Variants in IGF2R observed in about 807,000 individuals in gnomAD.
IGF2R encodes insulin like growth factor 2 receptor.
Under a neutral mutation model 270.6 loss-of-function variants are expected in IGF2R, and 91 were observed. The ratio of observed to expected loss-of-function variants is 0.34; its 90% CI spans 0.28 to 0.40. IGF2R has a LOEUF of 0.40. Ranked by LOEUF, IGF2R falls within the 10% of genes least tolerant of loss-of-function variation. The pLI, the probability that IGF2R is intolerant of heterozygous loss-of-function variation, is 1.00. For synonymous variants in IGF2R, 1,316 were observed against 1,258.9 expected, an observed-to-expected ratio of 1.05 and a Z score of -0.96; for missense variants, 2,805 against 3,188.3, an observed-to-expected ratio of 0.88 and a Z score of 2.90.
At chr6:160,060,171 G>A (rs1429964372) in intron 22 of IGF2R, among the ~76,000 whole-genome samples, 3 of 152,074 alleles carry the variant, frequency 2.0e-5, no homozygotes, top group Non-Finnish European at 2.9e-5. Flanking sequence ...CCATTGGAGC[G>A]AGTGTGTAAA....
rs1779061098 is a variant in IGF2R, at chr6:160,084,727, C to T, written c.6069-268C>T. Among the ~76,000 whole-genome samples, 1 of 152,192 alleles carries T rather than the reference C, an allele frequency of 6.6e-6. No homozygotes were observed. The highest frequency in any genetic ancestry group is 1.5e-5 in the Non-Finnish European group (1 of 68,026). On this transcript the variant is annotated intron_variant, in intron 40 of 47. Transcript: ENST00000356956. The surrounding 1 kb of genome is among the most constrained non-coding windows in gnomAD (Gnocchi z 4.6). Reference sequence around the variant, plus strand: ...TCTCCCAGCCCCGGAGCCCTTCTTTCTACTGTACCACGCTGTGTCCAGGGT... The same window carrying T: ...TCTCCCAGCCCCGGAGCCCTTCTTTTTACTGTACCACGCTGTGTCCAGGGT...
chr6:159,986,125 T>C (rs1389991011), intron 1 of IGF2R, among the ~76,000 whole-genome samples: 2 of 152,148 alleles, frequency 1.3e-5, no homozygotes, highest in African/African-American at 4.8e-5. Context: ...TCCCGCTGGT[T>C]TCCTTCAGTT....
At chr6:160,068,158 G>C in intron 29 of IGF2R, 91 bp from the exon 30 acceptor site, 1 of 1,460,978 alleles carries the variant, frequency 6.8e-7, no homozygotes, top group Non-Finnish European at 9.4e-7. Flanking sequence ...CTTAGACTAT[G>C]CCTGAATACT....
chr6:160,048,958 G>A (rs1006327107), intron 18 of IGF2R, among the ~76,000 whole-genome samples: 2 of 152,160 alleles, frequency 1.3e-5, no homozygotes, highest in Admixed American at 6.6e-5. Flanking sequence ...TCAAGCACAC[G>A]CTCTCATTCG....
At chr6:160,047,409 G>A (rs1285350880) in intron 16 of IGF2R, 73 bp downstream of exon 16, 2 of 1,293,824 alleles carry the variant, frequency 1.5e-6, no homozygotes, top group Non-Finnish European at 2.1e-6. Flanking sequence ...TTTAAGCAGA[G>A]CTTGTATCAG....
At chr6:160,065,829 T>G (rs1407148172) in intron 29 of IGF2R, among the ~76,000 whole-genome samples, 2 of 96,702 alleles carry the variant, frequency 2.1e-5, no homozygotes, top group African/African-American at 4.2e-5. Flanking sequence ...TATATATATA[T>G]ATATATATAT....
rs201581343 is a variant in IGF2R at position 160,076,015 on chromosome 6, C to T, written c.5316+19C>T. 8.8e-5 allele frequency: 142 copies of T among 1,611,392 alleles called. 1 individual carries two copies. The highest frequency in any genetic ancestry group is 1.1e-4 in the Non-Finnish European group (127 of 1,177,708). On this transcript the variant is annotated intron_variant, in intron 36 of 47. Coordinates refer to ENST00000356956, the MANE Select transcript of IGF2R (RefSeq NM_000876.4). Reference sequence around the variant, plus strand: ...GAGCATGGTAAGTGTGGGCCTGTGACGATCTAGATGCTCAACTGCGGGTTA... The same window carrying T: ...GAGCATGGTAAGTGTGGGCCTGTGATGATCTAGATGCTCAACTGCGGGTTA...
chr6:159,989,249 G>A (rs773975010), intron 1 of IGF2R, among the ~76,000 whole-genome samples: 1 of 152,140 alleles, frequency 6.6e-6, no homozygotes, highest in Admixed American at 6.5e-5. Flanking sequence ...GTCTTCCAGT[G>A]ACCCCACCAG....
intron 4 of IGF2R, among the ~76,000 whole-genome samples, chr6:160,019,261 C>T (rs1777375482): frequency 6.6e-6 from 1 of 152,044 alleles, no homozygotes; most frequent in African/African-American, 2.4e-5. Flanking sequence ...TCCAAAAAGA[C>T]CAATAACAAG....
At chr6:160,056,719 C>T (rs968293125) in intron 20 of IGF2R, among the ~76,000 whole-genome samples, 194 bp downstream of exon 20, 5 of 152,192 alleles carry the variant, frequency 3.3e-5, no homozygotes, top group Non-Finnish European at 7.3e-5. Flanking sequence ...GGATAAGAAC[C>T]AGGTCCCTCA....
intron 45 of IGF2R, among the ~76,000 whole-genome samples, chr6:160,097,845 G>A (rs1779400601): frequency 6.6e-6 from 1 of 152,190 alleles, no homozygotes; most frequent in Non-Finnish European, 1.5e-5. Flanking sequence ...GTGGACATGA[G>A]CTCAGCAAAA....
In IGF2R at chr6:160,105,938, T is replaced by TGTGTGA. The variant is rs961509219; in HGVS notation, c.*855_*856insTGTGAG. On this transcript the variant is annotated 3_prime_UTR_variant, in exon 48 of 48. Transcript: ENST00000356956. ...GTGTGTGTGTGTGTGTGTGTGTGTG[T>TGTGTGA]GAGTGGAGTTGAGGTGTCAGAGAAA... 126 of 144,684 alleles carry TGTGTGA rather than the reference T, an allele frequency of 8.7e-4. No individual in the cohort carries two copies. The highest frequency in any genetic ancestry group is 3.5e-3 in the Middle Eastern group (1 of 284). The allele number at this position is 144,684 out of a possible 1,614,324, so 9.0% of individuals were successfully genotyped here. A position where few individuals can be genotyped will look rare whatever the true frequency, so the allele number is the denominator to read the frequency against.
chr6:160,082,048 A>G (rs780872209), intron 39 of IGF2R, among the ~76,000 whole-genome samples: 3 of 152,214 alleles, frequency 2.0e-5, no homozygotes, highest in Non-Finnish European at 4.4e-5. Context: ...TATAATATTG[A>G]TTGGGGAAGT....
intron 17 of IGF2R, among the ~76,000 whole-genome samples, chr6:160,048,144 T>C (rs1192550963): frequency 6.6e-6 from 1 of 152,188 alleles, no homozygotes; most frequent in Non-Finnish European, 1.5e-5. Flanking sequence ...TTTAAAACAA[T>C]GACTGTCAGT....
intron 7 of IGF2R, among the ~76,000 whole-genome samples, chr6:160,029,942 T>C (rs1343237193): frequency 6.6e-6 from 1 of 152,256 alleles, no homozygotes; most frequent in Non-Finnish European, 1.5e-5. Context: ...TCTGTGAGAT[T>C]ATTTTAAGTA....
intron 19 of IGF2R, among the ~76,000 whole-genome samples, chr6:160,051,175 A>C (rs995440336): frequency 6.6e-6 from 1 of 152,232 alleles, no homozygotes; most frequent in Non-Finnish European, 1.5e-5. Context: ...TATGTACCCT[A>C]TTTCACAGGG....
intron 4 of IGF2R, among the ~76,000 whole-genome samples, chr6:160,018,594 G>GA (rs1165402278): frequency 6.6e-6 from 1 of 151,906 alleles, no homozygotes; most frequent in African/African-American, 2.4e-5. Context: ...TCAATAAATT[G>GA]AAAAAAACCA....
chr6:160,049,509 C>T (rs1353032119), intron 18 of IGF2R, among the ~76,000 whole-genome samples: 1 of 152,100 alleles, frequency 6.6e-6, no homozygotes. Context: ...AAGCTCCAGC[C>T]CTGGGGCCAG....
In IGF2R at chr6:160,063,516, T is replaced by C. The variant is rs756824927; in HGVS notation, c.3772T>C (p.Tyr1258His). The C allele has an allele frequency of 1.9e-6, 3 of 1,614,200 alleles. No individual in the cohort carries two copies. The highest frequency in any genetic ancestry group is 2.5e-6 in the Non-Finnish European group (3 of 1,180,034). Residue 1258 changes from tyrosine (Y) to histidine (H), a missense_variant, in exon 27 of 48, where the codon TAC (tyrosine) becomes CAC (histidine). Transcript: ENST00000356956. ...TIVSAGEYTY[Y>H]FRVCGKLSSD... ...CGTGAGCGCTGGCGAATACACTTAT[T>C]ACTTCCGGGTCTGTGGGAAGCTTTC...
Sources: allele counts gnomAD v4.1 joint callset (sites outside exome capture counted in the v4.1 genomes callset), GRCh38; gene constraint gnomAD v4.1.1; non-coding constraint Gnocchi (gnomAD v3.1); transcripts MANE v1.5; gene names NCBI Gene and HGNC (gene_info 2026-07-23, HGNC 2026-07-21).